Variants in ZMYM4 observed in about 807,000 individuals in gnomAD.
ZMYM4 encodes the protein zinc finger MYM-type protein 4.
In ZMYM4, 31 loss-of-function variants were observed where a neutral mutation model predicts 183.2. The observed-to-expected ratio is 0.17, with a 90% CI of 0.13 to 0.23. The LOEUF (loss-of-function observed/expected upper bound fraction) is 0.23, where lower values mean the gene tolerates loss of function less well. Among genes scored for constraint, ZMYM4 ranks in the 10% least tolerant of loss-of-function variants. ZMYM4 has a pLI of 1.00. For synonymous variants in ZMYM4, 592 were observed against 631.2 expected, an observed-to-expected ratio of 0.94 and a Z score of 0.93; for missense variants, 1,273 against 1,840.3, an observed-to-expected ratio of 0.69 and a Z score of 5.64.
chr1:35,360,804 GT>G (rs1268794215), intron 3 of ZMYM4, among the ~76,000 whole-genome samples: 1 of 152,048 alleles, frequency 6.6e-6, no homozygotes, highest in Admixed American at 6.6e-5. Context: ...AACAGGGAAG[GT>G]TTTATAGAGG....
chr1:35,390,190 A>C (rs1644674210), intron 15 of ZMYM4, 92 bp downstream of exon 15: 6 of 1,335,294 alleles, frequency 4.5e-6, no homozygotes, highest in Non-Finnish European at 4.0e-6. Context: ...AACAGTTGTC[A>C]TTAATTTCAT....
rs567784625 is a variant in ZMYM4, at chr1:35,330,868, G to A, written c.85+5463G>A. 1.9e-4 allele frequency among the ~76,000 whole-genome samples: 29 copies of A among 152,202 alleles called. 1 individual carries two copies. The highest frequency in any genetic ancestry group is 1.8e-3 in the Admixed American group (27 of 15,286). Reference sequence around the variant, plus strand: ...TCACCCTAGTTCACTTGTATCACAGGTTTTGAAGAATAATTATTATTCGAT... The same window carrying A: ...TCACCCTAGTTCACTTGTATCACAGATTTTGAAGAATAATTATTATTCGAT... On this transcript the variant is annotated intron_variant, in intron 2 of 29. Coordinates refer to ENST00000314607, the MANE Select transcript of ZMYM4 (RefSeq NM_005095.3).
At chr1:35,374,652 A>T (rs1570468524) in intron 7 of ZMYM4, among the ~76,000 whole-genome samples, 1 of 150,698 alleles carries the variant, frequency 6.6e-6, no homozygotes, top group Admixed American at 6.6e-5. Context: ...TCCTAAAAAA[A>T]GTCAGCCACA....
At chr1:35,342,668 T>TTTGTTG (rs368242666) in intron 2 of ZMYM4, among the ~76,000 whole-genome samples, 1 of 151,784 alleles carries the variant, frequency 6.6e-6, no homozygotes, top group African/African-American at 2.4e-5. Flanking sequence ...AAGGATCCTT[T>TTTGTTG]TTGTTGTTGT....
In ZMYM4 at chr1:35,296,106, G is replaced by A. The variant is rs577314166; in HGVS notation, c.39+27021G>A. ...CCCATCTCAGTGTGGCATTTTCTGC[G>A]GTTATCCCTGACCTACAAAGGAGAA... On this transcript the variant is annotated intron_variant, in intron 1 of 29. Coordinates refer to ENST00000314607, the MANE Select transcript of ZMYM4 (RefSeq NM_005095.3). 9.2e-5 allele frequency: 14 copies of A among 152,178 alleles called. No individual in the cohort carries two copies. The South Asian group carries it at 1.9e-3, about 20-fold the overall frequency. 9.4% of individuals were successfully genotyped at this position (152,178 alleles called of 1,614,324 possible).
intron 1 of ZMYM4, among the ~76,000 whole-genome samples, chr1:35,271,704 A>G (rs1639616012): frequency 6.6e-6 from 1 of 152,208 alleles, no homozygotes; most frequent in Admixed American, 6.5e-5. Flanking sequence ...GGCCTGGCCC[A>G]AAAGTTAATT....
At chr1:35,383,109 G>A (rs77198652) in intron 9 of ZMYM4, among the ~76,000 whole-genome samples, 1,826 of 152,224 alleles carry the variant, frequency 0.012, 39 homozygotes, top group African/African-American at 0.042. Flanking sequence ...GGGATGAACT[G>A]GATGAACTCT....
chr1:35,300,907 T>C (rs1193154497), intron 1 of ZMYM4, among the ~76,000 whole-genome samples: 2 of 152,206 alleles, frequency 1.3e-5, no homozygotes, highest in African/African-American at 4.8e-5. Flanking sequence ...TCATTATAAA[T>C]TGGCTGTTCT....
chr1:35,410,185 G>A (rs956928734), intron 26 of ZMYM4, among the ~76,000 whole-genome samples: 4 of 152,058 alleles, frequency 2.6e-5, no homozygotes, highest in Admixed American at 2.0e-4. Flanking sequence ...ATTACTAGGA[G>A]AATAGCATCA....
Position 35,389,482 on chromosome 1 carries a change from C to T in ZMYM4, c.2436+400C>T, listed in dbSNP as rs1040298843. ...AAATTAGTATAAAATCAGCTGGGCG[C>T]GGTGGCTCACGCCTGTAATCCCAGC... On this transcript the variant is annotated intron_variant, in intron 14 of 29. Transcript: ENST00000314607. The surrounding 1 kb of genome is among the most constrained non-coding windows in gnomAD (Gnocchi z 4.0). 1.6e-4 allele frequency among the ~76,000 whole-genome samples: 24 copies of T among 152,044 alleles called. No individual in the cohort carries two copies. Among genetic ancestry groups the T allele is most frequent in the Admixed American group, 1.2e-3 (19 of 15,280 alleles).
intron 1 of ZMYM4, among the ~76,000 whole-genome samples, chr1:35,319,805 G>A (rs1463915975): frequency 2.0e-5 from 3 of 152,132 alleles, no homozygotes; most frequent in Non-Finnish European, 4.4e-5. Flanking sequence ...CATTTGATTT[G>A]GAGTGGTCTG....
intron 28 of ZMYM4, among the ~76,000 whole-genome samples, chr1:35,418,008 C>CA (rs200926725): frequency 0.041 from 5,415 of 132,498 alleles, 284 homozygotes; most frequent in East Asian, 0.26. Flanking sequence ...AGTTCCGTCT[C>CA]AAAAAAAAAA....
intron 2 of ZMYM4, chr1:35,350,905 A>G: frequency 1.6e-6 from 1 of 631,924 alleles, no homozygotes; most frequent in Non-Finnish European, 2.8e-6. Flanking sequence ...ATCATTTGTC[A>G]GATTGCTTAT....
intron 1 of ZMYM4, among the ~76,000 whole-genome samples, chr1:35,271,294 TC>T (rs1413582863): frequency 2.0e-5 from 3 of 152,140 alleles, no homozygotes; most frequent in Non-Finnish European, 2.9e-5. Context: ...TTAAATATAT[TC>T]TGCCTCTTGT....
chr1:35,408,578 AAAT>A (rs1248692542), intron 26 of ZMYM4, among the ~76,000 whole-genome samples: 1 of 152,098 alleles, frequency 6.6e-6, no homozygotes, highest in Admixed American at 6.6e-5. Flanking sequence ...TCTCTACAAA[AAAT>A]AAAAAATTAG....
chr1:35,314,829 A>G (rs1570331752), intron 1 of ZMYM4, among the ~76,000 whole-genome samples: 1 of 150,828 alleles, frequency 6.6e-6, no homozygotes, highest in Non-Finnish European at 1.5e-5. Context: ...GTTCAAGACC[A>G]GCCTGGCCAA....
rs755324116 is a variant in ZMYM4 at position 35,399,053 on chromosome 1, C to T, written c.3433+10C>T. On this transcript the variant is annotated intron_variant, in intron 22 of 29. Transcript: ENST00000314607. ...GCAGATTTTCCATCAGGTTTGTGTACAGTAACCTGTCCACTGAAAGCTTTT... is the reference window on the plus strand; with the variant it reads ...GCAGATTTTCCATCAGGTTTGTGTATAGTAACCTGTCCACTGAAAGCTTTT... 7 of 1,612,886 alleles carry T rather than the reference C, an allele frequency of 4.3e-6. No homozygotes were observed. In the East Asian group the frequency reaches 6.7e-5, roughly 15 times the overall value.
chr1:35,397,908 A>G (rs1644837631), intron 20 of ZMYM4, among the ~76,000 whole-genome samples: 1 of 152,234 alleles, frequency 6.6e-6, no homozygotes. Flanking sequence ...CTTAGGATGG[A>G]AAACCATTTG....
chr1:35,377,381 G>C (rs1570474054), intron 7 of ZMYM4, among the ~76,000 whole-genome samples: 1 of 152,192 alleles, frequency 6.6e-6, no homozygotes, highest in Admixed American at 6.5e-5. Context: ...ATGGAAGATG[G>C]CAAGGTATGG....
Sources: allele counts gnomAD v4.1 joint callset (sites outside exome capture counted in the v4.1 genomes callset), GRCh38; gene constraint gnomAD v4.1.1; non-coding constraint Gnocchi (gnomAD v3.1); transcripts MANE v1.5; gene names NCBI Gene and HGNC (gene_info 2026-07-23, HGNC 2026-07-21).